Variants in KIF5C observed in about 807,000 individuals in gnomAD.
The protein encoded by KIF5C is kinesin family member 5C.
KIF5C carries 18 observed loss-of-function variants against 125.2 expected under a neutral mutation model. That is an observed-to-expected ratio of 0.14 (90% CI 0.10 to 0.21). The LOEUF is 0.21. Among genes scored for constraint, KIF5C ranks in the 10% least tolerant of loss-of-function variants. KIF5C has a pLI of 1.00. For missense variants in KIF5C, 780 were observed against 1,183.8 expected, an observed-to-expected ratio of 0.66 and a Z score of 5.01; for synonymous variants, 405 against 434.0, an observed-to-expected ratio of 0.93 and a Z score of 0.83.
chr2:148,966,337 A>AGT (rs747467791), intron 11 of KIF5C, among the ~76,000 whole-genome samples: 6,301 of 150,126 alleles, frequency 0.042, 302 homozygotes, highest in African/African-American at 0.11. Flanking sequence ...TGTGTAGCAA[A>AGT]GTGTGTGTGT....
At chr2:148,950,971 A>G (rs1682643737) in intron 10 of KIF5C, among the ~76,000 whole-genome samples, 3 of 152,252 alleles carry the variant, frequency 2.0e-5, no homozygotes, top group Non-Finnish European at 2.9e-5. Context: ...ATAATGGGCA[A>G]GAACATGCCA....
chr2:148,962,479 G>A (rs376087675), intron 11 of KIF5C, among the ~76,000 whole-genome samples: 1 of 151,890 alleles, frequency 6.6e-6, no homozygotes, highest in African/African-American at 2.4e-5. Context: ...GTGCCTGGCC[G>A]TGTGTGTGCT....
At chr2:148,916,090 T>A (rs1681538562) in intron 1 of KIF5C, among the ~76,000 whole-genome samples, 1 of 152,088 alleles carries the variant, frequency 6.6e-6, no homozygotes, top group African/African-American at 2.4e-5. Flanking sequence ...CCATGAGAAG[T>A]TAGACTAGCC....
chr2:148,886,983 T>C (rs1021722839), intron 1 of KIF5C, among the ~76,000 whole-genome samples: 10 of 152,200 alleles, frequency 6.6e-5, no homozygotes, highest in African/African-American at 2.4e-4. Context: ...GGGGAAAATA[T>C]ACACCTCTTT....
intron 17 of KIF5C, among the ~76,000 whole-genome samples, chr2:148,996,695 C>T (rs1574824096): frequency 6.6e-6 from 1 of 152,190 alleles, no homozygotes; most frequent in Non-Finnish European, 1.5e-5. Flanking sequence ...AAACATGGGG[C>T]CTTCTGGTTT....
chr2:149,015,304 A>G (rs1682329040), intron 25 of KIF5C, among the ~76,000 whole-genome samples: 1 of 152,216 alleles, frequency 6.6e-6, no homozygotes, highest in Non-Finnish European at 1.5e-5. Context: ...AGGAATTGCA[A>G]TTGAAAAGTA....
intron 25 of KIF5C, among the ~76,000 whole-genome samples, chr2:149,021,403 GT>G (rs59816637): frequency 0.019 from 2,779 of 146,340 alleles, 70 homozygotes; most frequent in African/African-American, 0.063. Flanking sequence ...GTGTTGTTCT[GT>G]TTTTTTTTTT....
chr2:148,950,670 G>A (rs1248657719), intron 10 of KIF5C, among the ~76,000 whole-genome samples: 7 of 152,178 alleles, frequency 4.6e-5, no homozygotes, highest in Admixed American at 2.6e-4. Flanking sequence ...TTAGCCGGCC[G>A]TGGTGGCATG....
rs1230327453 is a variant in KIF5C at position 149,010,239 on chromosome 2, G to A, written c.2655G>A (p.Glu885=). The A allele has an allele frequency of 6.3e-7, 1 of 1,582,110 alleles. No homozygotes were observed. Among genetic ancestry groups the A allele is most frequent in the Non-Finnish European group, 8.6e-7 (1 of 1,164,794 alleles). Residue 885 remains glutamate, a synonymous_variant, in exon 24 of 26, where the codon GAG becomes GAA. Transcript: ENST00000435030. ...RVKALESALK[E]AKENAMRDRK... is the part of the protein sequence containing the mutation. ...AGGCTCTGGAGAGCGCGCTGAAGGAGGCCAAGGAGAACGCCATGCGGGACC... is the reference window on the plus strand; with the variant it reads ...AGGCTCTGGAGAGCGCGCTGAAGGAAGCCAAGGAGAACGCCATGCGGGACC...
At chr2:148,927,679 C>T (rs1252478886) in intron 2 of KIF5C, among the ~76,000 whole-genome samples, 1 of 152,116 alleles carries the variant, frequency 6.6e-6, no homozygotes, top group African/African-American at 2.4e-5. Context: ...TCCCTCAAAG[C>T]ATATCATATT....
intron 21 of KIF5C, among the ~76,000 whole-genome samples, chr2:149,003,472 TGAG>T (rs1447992871): frequency 2.0e-5 from 3 of 152,202 alleles, no homozygotes; most frequent in Non-Finnish European, 4.4e-5. Context: ...GGTGCGTTGA[TGAG>T]ACTTGTATTC....
chr2:149,025,873 A>G lies in KIF5C; in HGVS notation c.*2803A>G, dbSNP rs903424773. On this transcript the variant is annotated 3_prime_UTR_variant, in exon 26 of 26. Coordinates refer to ENST00000435030, the MANE Select transcript of KIF5C (RefSeq NM_004522.3). ...AAATGCTGCACACTTTGCTTTTGTTAAACAGCAGGTAGTAGACAGAACAAT... is the reference window on the plus strand; with the variant it reads ...AAATGCTGCACACTTTGCTTTTGTTGAACAGCAGGTAGTAGACAGAACAAT... The G allele has an allele frequency of 4.6e-5, 7 of 152,692 alleles. No homozygotes were observed. The highest frequency in any genetic ancestry group is 1.2e-4 in the African/African-American group (5 of 41,466). 9.5% of individuals were successfully genotyped at this position (152,692 alleles called of 1,614,324 possible). A position where few individuals can be genotyped will look rare whatever the true frequency, so the allele number is the denominator to read the frequency against.
intron 1 of KIF5C, among the ~76,000 whole-genome samples, chr2:148,916,859 G>A (rs1262231685): frequency 6.6e-6 from 1 of 152,108 alleles, no homozygotes; most frequent in African/African-American, 2.4e-5. Flanking sequence ...GGAGGCAGGA[G>A]GTCTGGATGC....
chr2:148,984,604 G>A (rs1287259925), intron 15 of KIF5C, among the ~76,000 whole-genome samples: 1 of 152,074 alleles, frequency 6.6e-6, no homozygotes, highest in Non-Finnish European at 1.5e-5. Context: ...TTTAATCCAG[G>A]AGGGAAACAT....
intron 1 of KIF5C, among the ~76,000 whole-genome samples, chr2:148,905,794 G>A (rs899283767): frequency 1.3e-5 from 2 of 152,268 alleles, no homozygotes; most frequent in East Asian, 3.9e-4. Context: ...AAGAAAAAGA[G>A]GTTTAATGGA....
intron 11 of KIF5C, among the ~76,000 whole-genome samples, chr2:148,970,328 G>A (rs1463260540): frequency 6.6e-6 from 1 of 152,162 alleles, no homozygotes; most frequent in Non-Finnish European, 1.5e-5. Context: ...AGCCTACAAA[G>A]TTGCAAATTT....
In KIF5C at chr2:148,924,991, G is replaced by C. The variant is rs1210472787; in HGVS notation, c.217+2764G>C. ...TGAGTACAGGGAAAGAGACAGATGT[G>C]TACATAATCATCACACACATAGGCA... On this transcript the variant is annotated intron_variant, in intron 2 of 25. Transcript: ENST00000435030. The surrounding 1 kb of genome is among the most constrained non-coding windows in gnomAD (Gnocchi z 4.0). Among the ~76,000 whole-genome samples the C allele has an allele frequency of 1.3e-5, 2 of 152,182 alleles. No homozygotes were observed. Among genetic ancestry groups the C allele is most frequent in the African/African-American group, 2.4e-5 (1 of 41,432 alleles).
chr2:149,009,747 C>G (rs751771677), intron 23 of KIF5C, among the ~76,000 whole-genome samples: 1 of 152,176 alleles, frequency 6.6e-6, no homozygotes, highest in Non-Finnish European at 1.5e-5. Context: ...TCACTGAGTC[C>G]TTTCAAACCG....
intron 25 of KIF5C, 75 bp downstream of exon 25, chr2:149,011,758 A>G (rs1018681431): frequency 2.5e-6 from 4 of 1,588,022 alleles, no homozygotes; most frequent in Non-Finnish European, 3.4e-6. Flanking sequence ...CCTGCCTGGC[A>G]GTGGACCTTG....
Sources: gnomAD v4.1 joint callset for allele counts (sites outside exome capture counted in the v4.1 genomes callset) on GRCh38, gnomAD v4.1.1 for gene constraint, Gnocchi (gnomAD v3.1) non-coding constraint, MANE v1.5 for transcripts, NCBI Gene and HGNC (gene_info 2026-07-23, HGNC 2026-07-21) for gene names.